KMT2E: variants seen among roughly 807,000 people sequenced by gnomAD.
KMT2E encodes histone reader KMT2E.
A neutral mutation model predicts 184.6 loss-of-function variants in KMT2E; 30 were observed. The observed-to-expected ratio is 0.16, with a 90% CI of 0.12 to 0.22. The LOEUF is 0.22. KMT2E is among the 10% of genes least tolerant of loss of function. KMT2E has a pLI of 1.00. For missense variants in KMT2E, 2,023 were observed against 2,237.4 expected, an observed-to-expected ratio of 0.90 and a Z score of 1.93; for synonymous variants, 815 against 776.5, an observed-to-expected ratio of 1.05 and a Z score of -0.82.
At chr7:105,053,182 A>G (rs1022171157) in intron 3 of KMT2E, among the ~76,000 whole-genome samples, 6 of 152,116 alleles carry the variant, frequency 3.9e-5, no homozygotes, top group African/African-American at 9.7e-5. Flanking sequence ...GAAGCTGGAA[A>G]TTTTTTTAAA....
chr7:105,050,481 T>G (rs1450342066), intron 3 of KMT2E, among the ~76,000 whole-genome samples: 1 of 152,186 alleles, frequency 6.6e-6, no homozygotes, highest in Non-Finnish European at 1.5e-5. Flanking sequence ...TTACCCTCAA[T>G]TTTTTATGTC....
intron 13 of KMT2E, chr7:105,089,094 G>T (rs1798098138): frequency 3.7e-6 from 1 of 269,830 alleles, no homozygotes; most frequent in South Asian, 2.9e-5. Flanking sequence ...GTATCATTTT[G>T]CTTTAAAAGA....
At chr7:105,044,008 G>A (rs1430363513) in intron 3 of KMT2E, among the ~76,000 whole-genome samples, 1 of 152,142 alleles carries the variant, frequency 6.6e-6, no homozygotes, top group African/African-American at 2.4e-5. Flanking sequence ...TGAGGTGGGA[G>A]GATCACTTGA....
At chr7:105,087,123 G>A (rs1250309411) in intron 13 of KMT2E, among the ~76,000 whole-genome samples, 1 of 146,604 alleles carries the variant, frequency 6.8e-6, no homozygotes, top group East Asian at 2.0e-4. Flanking sequence ...TGCTATGTAT[G>A]TGCTAATGTA....
intron 8 of KMT2E, 40 bp from the exon 9 acceptor site, chr7:105,076,003 G>GT (rs748325494): frequency 3.3e-6 from 5 of 1,500,022 alleles, no homozygotes; most frequent in Non-Finnish European, 4.6e-6. Flanking sequence ...ATTATGTCCA[G>GT]TTTTTTAGGA....
intron 1 of KMT2E, among the ~76,000 whole-genome samples, chr7:105,030,186 A>C (rs965213454): frequency 3.3e-5 from 5 of 152,044 alleles, no homozygotes; most frequent in Admixed American, 3.3e-4. Context: ...TTAGTGTAGA[A>C]CAAGTTTTAT....
At position 105,107,740 on chromosome 7, in the gene KMT2E, G is replaced by T. The variant is rs1279694479; in HGVS notation, c.3283G>T (p.Val1095Phe). 1.2e-6 allele frequency: 2 copies of T among 1,614,142 alleles called. No individual in the cohort carries two copies. The highest frequency in any genetic ancestry group is 1.7e-6 in the Non-Finnish European group (2 of 1,180,026). The change falls in exon 22 of 27, where the codon GTT becomes TTT. Residue 1095 changes from valine (V) to phenylalanine (F), a missense_variant. By Grantham distance (50) the Val-to-Phe change is conservative. This residue lies in a region of KMT2E where 1,108 missense variants were observed against 1,050.9 expected (regional missense o/e 1.05). Coordinates refer to ENST00000311117, the MANE Select transcript of KMT2E (RefSeq NM_182931.3). ...CCTGACACCCTCGCATCAGTTGGAG[G>T]TTGGAGGAGGCTTCCGAATAAGTGA... ...RDLTPSHQLE[V>F]GGGFRISESK...
chr7:105,031,203 A>T (rs1795399791), intron 1 of KMT2E, among the ~76,000 whole-genome samples: 2 of 151,384 alleles, frequency 1.3e-5, no homozygotes, highest in Admixed American at 1.3e-4. Flanking sequence ...CTAAAAACAT[A>T]AAAAATTATC....
intron 6 of KMT2E, 81 bp from the exon 7 acceptor site, chr7:105,073,538 A>T (rs1290787995): frequency 1.2e-6 from 1 of 858,734 alleles, no homozygotes; most frequent in Non-Finnish European, 1.9e-6. Context: ...GAGAACATTA[A>T]ATAAATTAAA....
At chr7:105,063,875 C>A in intron 5 of KMT2E, 1 of 463,198 alleles carries the variant, frequency 2.2e-6, no homozygotes. Context: ...TAGCAGTAGA[C>A]AAGATAGAAA....
intron 2 of KMT2E, among the ~76,000 whole-genome samples, chr7:105,040,247 C>G (rs1795822120): frequency 6.6e-6 from 1 of 152,002 alleles, no homozygotes; most frequent in Non-Finnish European, 1.5e-5. Flanking sequence ...AGTGGAGTAG[C>G]CTTGATTAAG....
At chr7:105,056,640 G>T (rs571446394) in intron 3 of KMT2E, among the ~76,000 whole-genome samples, 48 of 152,160 alleles carry the variant, frequency 3.2e-4, no homozygotes, top group Non-Finnish European at 6.9e-4. Flanking sequence ...GTGTCATTGG[G>T]CTTGTACATA....
chr7:105,077,436 A>G lies in KMT2E; in HGVS notation c.1130+3A>G. The stretch of plus-strand genomic sequence containing the variant: ...GCAAATGGGTATTTCTTTAAAAGGT[A>G]TATTCATTTATTTTCCCATGTTCAT... On this transcript the variant is annotated splice_donor_region_variant and intron_variant, in intron 11 of 26. Transcript: ENST00000311117. 6.3e-7 allele frequency: 1 copy of G among 1,594,696 alleles called. No homozygotes were observed. Among genetic ancestry groups the G allele is most frequent in the Non-Finnish European group, 8.5e-7 (1 of 1,170,204 alleles).
At chr7:105,024,604 AT>A (rs1795096864) in intron 1 of KMT2E, among the ~76,000 whole-genome samples, 1 of 152,152 alleles carries the variant, frequency 6.6e-6, no homozygotes. Context: ...TTGAATTTGC[AT>A]TTTAGTACTG....
chr7:105,084,238 ACTT>A (rs768252864), intron 13 of KMT2E, among the ~76,000 whole-genome samples: 16 of 152,262 alleles, frequency 1.1e-4, no homozygotes, highest in Non-Finnish European at 1.6e-4. Flanking sequence ...TAGCAATTCA[ACTT>A]CTTCTTGCAA....
intron 9 of KMT2E, among the ~76,000 whole-genome samples, chr7:105,076,286 G>T (rs573942286): frequency 7.6e-4 from 116 of 152,236 alleles, no homozygotes; most frequent in Middle Eastern, 6.8e-3. Flanking sequence ...ATCAAAAGGG[G>T]GAGGTATATA....
intron 1 of KMT2E, among the ~76,000 whole-genome samples, chr7:105,033,157 T>C (rs1296958981): frequency 1.3e-5 from 2 of 152,220 alleles, no homozygotes; most frequent in Non-Finnish European, 2.9e-5. Flanking sequence ...AAGTGGACAC[T>C]AACAATTATT....
intron 1 of KMT2E, among the ~76,000 whole-genome samples, chr7:105,032,521 A>C (rs960283326): frequency 6.6e-6 from 1 of 152,224 alleles, no homozygotes; most frequent in Non-Finnish European, 1.5e-5. Flanking sequence ...TTTTTTTTAG[A>C]GACAGAGTCT....
intron 1 of KMT2E, among the ~76,000 whole-genome samples, chr7:105,022,490 T>G (rs925147431): frequency 7.9e-5 from 12 of 152,208 alleles, no homozygotes; most frequent in African/African-American, 2.9e-4. Flanking sequence ...GATGTTTGTT[T>G]GCCCTTTACT....
Sources: gnomAD v4.1 joint callset for allele counts (sites outside exome capture counted in the v4.1 genomes callset) on GRCh38, gnomAD v4.1.1 for gene constraint, gnomAD v4.1.1 regional missense constraint, MANE v1.5 for transcripts, NCBI Gene and HGNC (gene_info 2026-07-23, HGNC 2026-07-21) for gene names.